The following NAGPA variants were observed in gnomAD, a reference collection of about 807,000 sequenced individuals.
NAGPA encodes the protein alpha-N-acetylglucosaminyl phosphodiesterase.
NAGPA carries 56 observed loss-of-function variants against 48.5 expected under a neutral mutation model. The observed-to-expected ratio is 1.15, with a 90% CI of 0.93 to 1.44. The LOEUF is 1.44. NAGPA is among the 40% of genes most tolerant of loss of function. The pLI is 0.00. For synonymous variants in NAGPA, 399 were observed against 315.5 expected, an observed-to-expected ratio of 1.26 and a Z score of -2.81; for missense variants, 888 against 735.0, an observed-to-expected ratio of 1.21 and a Z score of -2.41.
rs1270168833 is a variant in NAGPA, at chr16:5,033,797, C to G, written c.86+32G>C. 4 of 1,565,290 alleles carry G rather than the reference C, an allele frequency of 2.6e-6. No homozygotes were observed. Among genetic ancestry groups the G allele is most frequent in the Non-Finnish European group, 2.6e-6 (3 of 1,156,054 alleles). Reference sequence around the variant, plus strand: ...AGCTCGGAGGACAGGGGGGACCCCCCGAACCAGGCTGGCCCAGGGAGCTGC... The same window carrying G: ...AGCTCGGAGGACAGGGGGGACCCCCGGAACCAGGCTGGCCCAGGGAGCTGC... On this transcript the variant is annotated intron_variant, in intron 1 of 9. Transcript: ENST00000312251. This position sits in a 1 kb window ranked among gnomAD's most constrained non-coding sequence, Gnocchi z 4.2.
At chr16:5,026,324 T>A (rs972625930) in intron 9 of NAGPA, among the ~76,000 whole-genome samples, 1 of 147,622 alleles carries the variant, frequency 6.8e-6, no homozygotes, top group South Asian at 2.2e-4. Flanking sequence ...GGCGGGCGTA[T>A]CACTTGAGGT....
intron 3 of NAGPA, 114 bp from the exon 4 acceptor site, chr16:5,030,607 G>T: frequency 1.2e-6 from 1 of 869,200 alleles, no homozygotes; most frequent in Non-Finnish European, 1.9e-6. Flanking sequence ...AAGCACAGCA[G>T]CCTCCTTGCT....
In NAGPA at chr16:5,033,328, C is replaced by T; in HGVS notation, c.487G>A (p.Gly163Arg). The change falls in exon 2 of 10, where the codon GGG becomes AGG. Residue 163 changes from glycine (G) to arginine (R), a missense_variant. By Grantham distance (125) the Gly-to-Arg change is moderately radical. Transcript: ENST00000312251. This position sits in a 1 kb window ranked among gnomAD's most constrained non-coding sequence, Gnocchi z 4.2. ...CCGAACTGCGCGTTCTGCAGCCCCC[C>T]GGAGCTGCTCACCCGCCGCTCGTCG... is the stretch of plus-strand genomic sequence containing the variant. ...VSDERRVSSSGGLQNAQFGIR... is the reference protein window; with the variant it reads ...VSDERRVSSSRGLQNAQFGIR... The T allele has an allele frequency of 1.3e-6, 2 of 1,597,468 alleles. No homozygotes were observed. The highest frequency in any genetic ancestry group is 1.7e-5 in the Admixed American group (1 of 59,954).
At position 5,028,934 on chromosome 16, in the gene NAGPA, C is replaced by T; in HGVS notation, c.866G>A (p.Gly289Asp). Reference protein sequence around the residue: ...VVNAINLDGGGSATFVLNGTL... With the variant: ...VVNAINLDGGDSATFVLNGTL... ...CCCGTTGAGCACAAAGGTGGCAGAG[C>T]CACCCCCATCCAGGTTGATGGCGTT... The change falls in exon 5 of 10, where the codon GGC becomes GAC. Residue 289 changes from glycine (G) to aspartate (D), a missense_variant. Physicochemically the swap from Gly to Asp is moderately conservative, Grantham distance 94. Coordinates refer to ENST00000312251, the MANE Select transcript of NAGPA (RefSeq NM_016256.4). The T allele has an allele frequency of 6.2e-7, 1 of 1,614,052 alleles. No individual in the cohort carries two copies. Among genetic ancestry groups the T allele is most frequent in the East Asian group, 2.2e-5 (1 of 44,884 alleles).
chr16:5,029,227 G>C, intron 4 of NAGPA: 1 of 702,308 alleles, frequency 1.4e-6, no homozygotes, highest in Non-Finnish European at 2.4e-6. Flanking sequence ...CCTTAAGGGA[G>C]GGGAAACGGC....
At chr16:5,030,802 C>T (rs372978245) in intron 3 of NAGPA, among the ~76,000 whole-genome samples, 1 of 152,200 alleles carries the variant, frequency 6.6e-6, no homozygotes, top group Non-Finnish European at 1.5e-5. Flanking sequence ...TGCCTCAGCT[C>T]CTGGGTGTCC....
chr16:5,033,640 G>A lies in NAGPA; in HGVS notation c.175C>T (p.Arg59Cys). 6.5e-7 allele frequency: 1 copy of A among 1,537,736 alleles called. No homozygotes were observed. Among genetic ancestry groups the A allele is most frequent in the Non-Finnish European group, 8.7e-7 (1 of 1,153,504 alleles). Residue 59 changes from arginine (R) to cysteine (C), a missense_variant, in exon 2 of 10, where the codon CGC (arginine) becomes TGC (cysteine). Transcript: ENST00000312251. The surrounding 1 kb of genome is among the most constrained non-coding windows in gnomAD (Gnocchi z 4.2). ...RDCTRVRAGN[R>C]EHESWPPPPA... is the part of the protein sequence containing the mutation. ...GGCGGAGGCCAACTCTCGTGCTCGC[G>A]GTTGCCGGCGCGCACCCGTGTGCAG...
chr16:5,025,372 AG>A lies in NAGPA; in HGVS notation c.*105del, dbSNP rs1955976961. 7.3e-7 allele frequency: 1 copy of A among 1,376,930 alleles called. No individual in the cohort carries two copies. Among genetic ancestry groups the A allele is most frequent in the South Asian group, 1.3e-5 (1 of 78,990 alleles). 85.3% of individuals were successfully genotyped at this position (1,376,930 alleles called of 1,614,324 possible). A position where few individuals can be genotyped will look rare whatever the true frequency, so the allele number is the denominator to read the frequency against. On this transcript the variant is annotated 3_prime_UTR_variant, in exon 10 of 10. Coordinates refer to ENST00000312251, the MANE Select transcript of NAGPA (RefSeq NM_016256.4). ...GAACTTGGCTGCCCCACAGGGGCTG[AG>A]GACACCCAGATGGTCCACGCCAGTG... is the stretch of plus-strand genomic sequence containing the variant.
intron 3 of NAGPA, chr16:5,031,162 T>C (rs142489875): frequency 5.3e-4 from 92 of 172,568 alleles, no homozygotes; most frequent in African/African-American, 2.0e-3. Context: ...CTTGAACTCC[T>C]GGGCTCAACC....
rs775289041 is a variant in NAGPA, at chr16:5,028,089, G to C, written c.1017C>G (p.Thr339=). ...TGCATTGGCAGTGCCCGTCCACGCA[G>C]GTCCCGTGGCCGTGGCAGTCAGGCG... The part of the protein sequence containing the change: ...CQPPDCHGHG[T]CVDGHCQCTG... The change falls in exon 6 of 10, where the codon ACC becomes ACG. Residue 339 remains threonine, a synonymous_variant. Coordinates refer to ENST00000312251, the MANE Select transcript of NAGPA (RefSeq NM_016256.4). 1.9e-6 allele frequency: 3 copies of C among 1,613,126 alleles called. No homozygotes were observed. The highest frequency in any genetic ancestry group is 2.5e-6 in the Non-Finnish European group (3 of 1,179,740).
chr16:5,025,426 G>C lies in NAGPA; in HGVS notation c.*52C>G, dbSNP rs13380613. The C allele has an allele frequency of 3.1e-6, 5 of 1,600,118 alleles. No individual in the cohort carries two copies. Among genetic ancestry groups the C allele is most frequent in the African/African-American group, 1.3e-5 (1 of 74,584 alleles). The stretch of plus-strand genomic sequence containing the variant: ...CTTGAAATTTCCCCTGCAGAAGCCA[G>C]ACCGTGGGGAAACAAGCTTTCGCGA... On this transcript the variant is annotated 3_prime_UTR_variant, in exon 10 of 10. Coordinates refer to ENST00000312251, the MANE Select transcript of NAGPA (RefSeq NM_016256.4).
In NAGPA at chr16:5,028,966, G is replaced by A. The variant is rs376133639; in HGVS notation, c.834C>T (p.Asp278=). 13 of 1,613,822 alleles carry A rather than the reference G, an allele frequency of 8.1e-6. No homozygotes were observed. Among genetic ancestry groups the A allele is most frequent in the African/African-American group, 4.0e-5 (3 of 74,940 alleles). Residue 278 remains aspartate, a synonymous_variant, in exon 5 of 10, where the codon GAC becomes GAT. Coordinates refer to ENST00000312251, the MANE Select transcript of NAGPA (RefSeq NM_016256.4). ...CATCCAGGTTGATGGCGTTGACCACGTCCTGTTTCAGCAGGAACTCCGCCA... is the reference window on the plus strand; with the variant it reads ...CATCCAGGTTGATGGCGTTGACCACATCCTGTTTCAGCAGGAACTCCGCCA... ...WEMAEFLLKQ[D]VVNAINLDGG...
chr16:5,025,028 G>A lies in NAGPA; in HGVS notation c.*450C>T, dbSNP rs948147681. 1 of 196,258 alleles carries A rather than the reference G, an allele frequency of 5.1e-6. No individual in the cohort carries two copies. The highest frequency in any genetic ancestry group is 1.1e-5 in the Non-Finnish European group (1 of 93,676). The allele number at this position is 196,258 out of a possible 1,614,324, so 12.2% of individuals were successfully genotyped here. ...TCTAGTTGGCAAATCCAGTGATGAG[G>A]TCTGTAGAAAAGGGGTCCCGTGTCA... On this transcript the variant is annotated 3_prime_UTR_variant, in exon 10 of 10. Coordinates refer to ENST00000312251, the MANE Select transcript of NAGPA (RefSeq NM_016256.4).
chr16:5,028,914 T>C lies in NAGPA; in HGVS notation c.886A>G (p.Asn296Asp). 1.2e-6 allele frequency: 2 copies of C among 1,614,092 alleles called. No individual in the cohort carries two copies. Among genetic ancestry groups the C allele is most frequent in the Non-Finnish European group, 1.7e-6 (2 of 1,180,028 alleles). Residue 296 changes from asparagine (N) to aspartate (D), a missense_variant, in exon 5 of 10, where the codon AAC becomes GAC. Coordinates refer to ENST00000312251, the MANE Select transcript of NAGPA (RefSeq NM_016256.4). ...GACGGGTAACTGGCCAAGGTCCCGT[T>C]GAGCACAAAGGTGGCAGAGCCACCC... The part of the protein sequence containing the change: ...DGGGSATFVL[N>D]GTLASYPSDH...
chr16:5,032,540 G>A (rs1271776581), intron 2 of NAGPA, among the ~76,000 whole-genome samples: 2 of 151,452 alleles, frequency 1.3e-5, no homozygotes, highest in Admixed American at 1.3e-4. Flanking sequence ...TCAGCCGGGC[G>A]TGGTGGCACA....
rs1757742014 is a variant in NAGPA, at chr16:5,024,870, C to G, written c.*608G>C. 1 of 156,538 alleles carries G rather than the reference C, an allele frequency of 6.4e-6. No individual in the cohort carries two copies. Among genetic ancestry groups the G allele is most frequent in the Admixed American group, 6.1e-5 (1 of 16,312 alleles). The allele number at this position is 156,538 out of a possible 1,614,324, so 9.7% of individuals were successfully genotyped here. ...TCAGAATCCACACACCACCTGGTGG[C>G]TCCTTTTATTATATCAATTTATTCA... On this transcript the variant is annotated 3_prime_UTR_variant, in exon 10 of 10. Coordinates refer to ENST00000312251, the MANE Select transcript of NAGPA (RefSeq NM_016256.4).
chr16:5,025,300 G>A lies in NAGPA; in HGVS notation c.*178C>T. 1 of 718,578 alleles carries A rather than the reference G, an allele frequency of 1.4e-6. No individual in the cohort carries two copies. Among genetic ancestry groups the A allele is most frequent in the Non-Finnish European group, 2.4e-6 (1 of 420,764 alleles). 44.5% of individuals were successfully genotyped at this position (718,578 alleles called of 1,614,324 possible). ...GCATGGTATTGCTAGGGTTGCAGGT[G>A]CCCTGGCAGGTGGCCAGGTGAGGGG... On this transcript the variant is annotated 3_prime_UTR_variant, in exon 10 of 10. Transcript: ENST00000312251.
chr16:5,025,754 G>A (rs1412992348), intron 9 of NAGPA, 69 bp from the exon 10 acceptor site: 3 of 1,488,550 alleles, frequency 2.0e-6, no homozygotes, highest in Non-Finnish European at 2.7e-6. Context: ...AGCACTGGAG[G>A]GGCTTCCCTC....
intron 3 of NAGPA, 90 bp downstream of exon 3, chr16:5,031,655 A>C: frequency 6.4e-7 from 1 of 1,558,040 alleles, no homozygotes; most frequent in Non-Finnish European, 8.9e-7. Flanking sequence ...GTAGCTGCTC[A>C]ATACTTGTTG....
Sources: gnomAD v4.1 joint callset for allele counts (sites outside exome capture counted in the v4.1 genomes callset) on GRCh38, gnomAD v4.1.1 for gene constraint, Gnocchi (gnomAD v3.1) non-coding constraint, MANE v1.5 for transcripts, NCBI Gene and HGNC (gene_info 2026-07-23, HGNC 2026-07-21) for gene names.